FBXL20: variants seen among roughly 807,000 people sequenced by gnomAD.
The protein encoded by FBXL20 is F-box/LRR-repeat protein 20.
A neutral mutation model predicts 64.0 loss-of-function variants in FBXL20; 11 were observed. The ratio of observed to expected loss-of-function variants is 0.17; its 90% CI spans 0.11 to 0.28. The LOEUF (loss-of-function observed/expected upper bound fraction) is 0.28, where lower values mean the gene tolerates loss of function less well. Ranked by LOEUF, FBXL20 falls within the 10% of genes least tolerant of loss-of-function variation. The pLI, the probability that FBXL20 is intolerant of heterozygous loss-of-function variation, is 1.00. For missense variants in FBXL20, 303 were observed against 526.2 expected, an observed-to-expected ratio of 0.58 and a Z score of 4.15; for synonymous variants, 184 against 189.0, an observed-to-expected ratio of 0.97 and a Z score of 0.22.
intron 3 of FBXL20, among the ~76,000 whole-genome samples, chr17:39,302,845 A>C (rs1051153972): frequency 2.4e-4 from 37 of 152,064 alleles, no homozygotes; most frequent in African/African-American, 8.2e-4. Context: ...ATATCCTATC[A>C]GGTGGTAGGA....
At chr17:39,336,729 C>T (rs2047525336) in intron 2 of FBXL20, among the ~76,000 whole-genome samples, 2 of 151,384 alleles carry the variant, frequency 1.3e-5, no homozygotes, top group Admixed American at 6.6e-5. Flanking sequence ...GAGGCCGAGG[C>T]AGGAGAATCA....
rs556053669 is a variant in FBXL20 at position 39,384,107 on chromosome 17, C to T, written c.42+17254G>A. On this transcript the variant is annotated intron_variant, in intron 1 of 14. Coordinates refer to ENST00000264658, the MANE Select transcript of FBXL20 (RefSeq NM_032875.3). ...AAAATCAGCCAGGCATGGCAGCATGCGCACATGGATTCAGCTACTTGGGAG... is the reference window on the plus strand; with the variant it reads ...AAAATCAGCCAGGCATGGCAGCATGTGCACATGGATTCAGCTACTTGGGAG... 6.8e-4 allele frequency among the ~76,000 whole-genome samples: 104 copies of T among 152,026 alleles called. 2 individuals carry two copies. Among genetic ancestry groups the T allele is most frequent in the Non-Finnish European group, 1.3e-3 (88 of 67,990 alleles).
Position 39,258,663 on chromosome 17 carries a change from G to A in FBXL20, c.*2797C>T, listed in dbSNP as rs2046715871. ...TTAAACTTATCTTTTAAGTAAAGAA[G>A]TACCTTAATAGCCTCAACTTAGGCA... is the stretch of plus-strand genomic sequence containing the variant. On this transcript the variant is annotated 3_prime_UTR_variant, in exon 15 of 15. Transcript: ENST00000264658. 1 of 152,222 alleles carries A rather than the reference G, an allele frequency of 6.6e-6. No individual in the cohort carries two copies. The highest frequency in any genetic ancestry group is 2.4e-5 in the African/African-American group (1 of 41,464). The allele number at this position is 152,222 out of a possible 1,614,324, so 9.4% of individuals were successfully genotyped here. A position where few individuals can be genotyped will look rare whatever the true frequency, so the allele number is the denominator to read the frequency against.
At chr17:39,299,555 G>A (rs2047116430) in intron 4 of FBXL20, among the ~76,000 whole-genome samples, 1 of 151,396 alleles carries the variant, frequency 6.6e-6, no homozygotes, top group Admixed American at 6.6e-5. Context: ...GCCGAGGCGG[G>A]TGGATCACGA....
intron 1 of FBXL20, among the ~76,000 whole-genome samples, chr17:39,370,089 C>T (rs1191523388): frequency 6.6e-6 from 1 of 150,742 alleles, no homozygotes; most frequent in Non-Finnish European, 1.5e-5. Flanking sequence ...CTAGCCTGGA[C>T]AACATAGCAA....
At chr17:39,309,571 G>A (rs2047212739) in intron 2 of FBXL20, among the ~76,000 whole-genome samples, 1 of 151,986 alleles carries the variant, frequency 6.6e-6, no homozygotes, top group Non-Finnish European at 1.5e-5. Flanking sequence ...AATGGTGCGA[G>A]ACAGCTGGAT....
chr17:39,347,247 G>C (rs188433919), intron 1 of FBXL20, among the ~76,000 whole-genome samples: 1 of 152,268 alleles, frequency 6.6e-6, no homozygotes, highest in African/African-American at 2.4e-5. Context: ...TCTAGTTGTA[G>C]ATCCTTGAGG....
At chr17:39,303,958 G>A (rs1316990331) in intron 2 of FBXL20, among the ~76,000 whole-genome samples, 1 of 152,126 alleles carries the variant, frequency 6.6e-6, no homozygotes, top group Non-Finnish European at 1.5e-5. Flanking sequence ...TTACAGGTGT[G>A]AACTATTGCA....
chr17:39,371,453 G>C (rs931629014), intron 1 of FBXL20, among the ~76,000 whole-genome samples: 6 of 152,084 alleles, frequency 3.9e-5, no homozygotes, highest in African/African-American at 1.2e-4. Flanking sequence ...CTTGGCTGCA[G>C]GCATTCTACA....
intron 1 of FBXL20, among the ~76,000 whole-genome samples, chr17:39,368,885 C>T (rs544014025): frequency 4.6e-5 from 7 of 152,038 alleles, no homozygotes; most frequent in Admixed American, 4.6e-4. Flanking sequence ...TCGATCTCCT[C>T]ACCTCGTGAT....
chr17:39,270,688 C>A, intron 11 of FBXL20, 108 bp downstream of exon 11: 2 of 904,220 alleles, frequency 2.2e-6, no homozygotes, highest in Admixed American at 2.7e-5. Context: ...TCTCACTCAC[C>A]CAATTCTGCT....
intron 1 of FBXL20, among the ~76,000 whole-genome samples, chr17:39,347,133 T>C (rs1422802054): frequency 6.6e-6 from 1 of 152,218 alleles, no homozygotes; most frequent in Non-Finnish European, 1.5e-5. Flanking sequence ...CTATTGTGAA[T>C]AGTGCTGCAA....
chr17:39,343,351 C>T (rs9903363), intron 1 of FBXL20, 110 bp from the exon 2 acceptor site: 12 of 683,126 alleles, frequency 1.8e-5, no homozygotes, highest in Non-Finnish European at 2.6e-5. Context: ...AAAATATAGT[C>T]GGCATCATAA....
intron 2 of FBXL20, among the ~76,000 whole-genome samples, chr17:39,320,178 ACTGT>A (rs2047342180): frequency 6.6e-6 from 1 of 152,196 alleles, no homozygotes; most frequent in Non-Finnish European, 1.5e-5. Context: ...TTTATCAAAT[ACTGT>A]CTGCCTCTTG....
intron 11 of FBXL20, among the ~76,000 whole-genome samples, chr17:39,269,797 C>T (rs942245910): frequency 2.6e-5 from 4 of 152,184 alleles, no homozygotes; most frequent in African/African-American, 7.2e-5. Context: ...CGCGCCCGGC[C>T]TTTTGTATTT....
intron 1 of FBXL20, among the ~76,000 whole-genome samples, chr17:39,361,721 T>TGGGAGGCGGAGTTTGCA (rs1315688291): frequency 6.6e-6 from 1 of 151,558 alleles, no homozygotes; most frequent in Non-Finnish European, 1.5e-5. Context: ...TGCTTGAACC[T>TGGGAGGCGGAGTTTGCA]GGGAGGCGGA....
chr17:39,275,146 A>C, intron 9 of FBXL20, 46 bp from the exon 10 acceptor site: 1 of 1,550,734 alleles, frequency 6.4e-7, no homozygotes. Context: ...GTATCTTAGC[A>C]AAACAAAAAA....
intron 1 of FBXL20, among the ~76,000 whole-genome samples, chr17:39,373,044 T>C (rs968885923): frequency 6.6e-6 from 1 of 152,062 alleles, no homozygotes; most frequent in African/African-American, 2.4e-5. Flanking sequence ...TTTTCAAACA[T>C]AGCTTATACT....
intron 1 of FBXL20, among the ~76,000 whole-genome samples, chr17:39,390,257 C>T (rs2048121761): frequency 6.6e-6 from 1 of 151,776 alleles, no homozygotes; most frequent in Non-Finnish European, 1.5e-5. Context: ...CCCATCTCTA[C>T]AAAAAAATAC....
Sources: gnomAD v4.1 joint callset for allele counts (sites outside exome capture counted in the v4.1 genomes callset) on GRCh38, gnomAD v4.1.1 for gene constraint, MANE v1.5 for transcripts, NCBI Gene and HGNC (gene_info 2026-07-23, HGNC 2026-07-21) for gene names.